The following TRPM7 variants were observed in gnomAD, a reference collection of about 807,000 sequenced individuals.
TRPM7 encodes transient receptor potential cation channel subfamily M member 7.
A neutral mutation model predicts 229.7 loss-of-function variants in TRPM7; 134 were observed. The observed-to-expected ratio is 0.58, with a 90% CI of 0.51 to 0.67. TRPM7 has a LOEUF of 0.67. Among genes scored for constraint, TRPM7 ranks in the 30% least tolerant of loss-of-function variants. TRPM7 has a pLI of 0.00. For missense variants in TRPM7, 1,901 were observed against 2,210.0 expected, an observed-to-expected ratio of 0.86 and a Z score of 2.80; for synonymous variants, 699 against 715.2, an observed-to-expected ratio of 0.98 and a Z score of 0.36.
At chr15:50,583,676 A>C (rs2054541052) in intron 28 of TRPM7, among the ~76,000 whole-genome samples, 1 of 151,086 alleles carries the variant, frequency 6.6e-6, no homozygotes, top group Non-Finnish European at 1.5e-5. Context: ...TCCTGAGTTC[A>C]AGCGATTCTC....
chr15:50,657,318 C>T (rs1296170005), intron 3 of TRPM7, among the ~76,000 whole-genome samples: 5 of 151,946 alleles, frequency 3.3e-5, no homozygotes, highest in African/African-American at 9.7e-5. Flanking sequence ...AGCAAGACTC[C>T]GTCTCAAAAT....
At chr15:50,587,508 T>C (rs1233374273) in intron 27 of TRPM7, among the ~76,000 whole-genome samples, 2 of 149,868 alleles carry the variant, frequency 1.3e-5, no homozygotes, top group Admixed American at 6.8e-5. Flanking sequence ...CACAGAAACT[T>C]GCAATGTCTT....
Position 50,592,711 on chromosome 15 carries a change from AAG to A in TRPM7, c.3609-87_3609-86del. ...TGTAGCCTCAAATAATAATGATAAAAAGAGAAAAATTTCACATGCATTTAAAC... is the reference window on the plus strand; with the variant it reads ...TGTAGCCTCAAATAATAATGATAAAAAGAAAAATTTCACATGCATTTAAAC... On this transcript the variant is annotated intron_variant, in intron 25 of 38. Coordinates refer to ENST00000646667, the MANE Select transcript of TRPM7 (RefSeq NM_017672.6). The A allele has an allele frequency of 3.0e-6, 3 of 988,940 alleles. No homozygotes were observed. The South Asian group carries it at 5.3e-5, about 17-fold the overall frequency. 61.3% of individuals were successfully genotyped at this position (988,940 alleles called of 1,614,324 possible).
rs35848629 is a variant in TRPM7, at chr15:50,621,157, C to CAAAAA, written c.1441-1364_1441-1360dup. Among the ~76,000 whole-genome samples, 45 of 51,770 alleles carry CAAAAA rather than the reference C, an allele frequency of 8.7e-4. 1 individual carries two copies. Among genetic ancestry groups the CAAAAA allele is most frequent in the East Asian group, 6.7e-3 (9 of 1,350 alleles). 34.0% of individuals were successfully genotyped at this position (51,770 alleles called of 152,430 possible). On this transcript the variant is annotated intron_variant, in intron 12 of 38. Transcript: ENST00000646667. ...CCTGGGCAACAGCGAGACTCCGTCT[C>CAAAAA]AAAAAAAAAAAAAAAAAAAAAAAAA...
chr15:50,609,524 T>C (rs1235029343), intron 19 of TRPM7, 57 bp downstream of exon 19: 34 of 1,499,934 alleles, frequency 2.3e-5, no homozygotes, highest in Non-Finnish European at 2.6e-5. Context: ...TCCGAACCAA[T>C]GGTCCCCCAA....
intron 36 of TRPM7, among the ~76,000 whole-genome samples, chr15:50,573,269 G>T (rs1261153900): frequency 6.6e-6 from 1 of 152,084 alleles, no homozygotes; most frequent in African/African-American, 2.4e-5. Flanking sequence ...CTCAATCCTG[G>T]GCCTAGCCTT....
intron 36 of TRPM7, among the ~76,000 whole-genome samples, chr15:50,572,928 G>T (rs1423391085): frequency 1.3e-5 from 2 of 152,046 alleles, no homozygotes; most frequent in South Asian, 2.1e-4. Flanking sequence ...TGCTCTTCAG[G>T]GAGAAAAATT....
In TRPM7 at chr15:50,558,875, A is replaced by G. The variant is rs1596029495; in HGVS notation, c.*2803T>C. ...GCTACTACACTCCAGCCTGGGCAACAGAGCAAGAGGTTGTCTTTTTTTTTT... is the reference window on the plus strand; with the variant it reads ...GCTACTACACTCCAGCCTGGGCAACGGAGCAAGAGGTTGTCTTTTTTTTTT... On this transcript the variant is annotated 3_prime_UTR_variant, in exon 39 of 39. Coordinates refer to ENST00000646667, the MANE Select transcript of TRPM7 (RefSeq NM_017672.6). The G allele has an allele frequency of 6.6e-6, 1 of 151,074 alleles. No homozygotes were observed. The allele number at this position is 151,074 out of a possible 1,614,324, so 9.4% of individuals were successfully genotyped here.
rs767646019 is a variant in TRPM7 at position 50,662,982 on chromosome 15, G to A, written c.68C>T (p.Ser23Phe). 2 of 1,613,212 alleles carry A rather than the reference G, an allele frequency of 1.2e-6. No individual in the cohort carries two copies. The highest frequency in any genetic ancestry group is 1.7e-6 in the Non-Finnish European group (2 of 1,179,552). Residue 23 changes from serine to phenylalanine, a missense_variant, in exon 2 of 39, where the codon TCC (serine) becomes TTC (phenylalanine). Ser to Phe is a radical substitution (Grantham distance 155). Around this residue, in one of 8 missense-constraint regions of TRPM7, gnomAD observed 794 missense variants for 881.9 expected, o/e 0.90. Transcript: ENST00000646667. Reference protein sequence around the residue: ...KRECVYIIPSSKDPHRCLPGC... With the variant: ...KRECVYIIPSFKDPHRCLPGC... ...GTGTGCTTACCTGTGAGGGTCCTTG[G>A]AACTTGGTATAATATATACACATTC...
chr15:50,612,270 A>G (rs1348270202), intron 16 of TRPM7, among the ~76,000 whole-genome samples: 2 of 152,136 alleles, frequency 1.3e-5, no homozygotes, highest in East Asian at 3.8e-4. Context: ...TTTAAATTTC[A>G]TGTAGAGACG....
At chr15:50,570,765 G>A (rs1252265448) in intron 36 of TRPM7, among the ~76,000 whole-genome samples, 1 of 150,666 alleles carries the variant, frequency 6.6e-6, no homozygotes, top group Non-Finnish European at 1.5e-5. Flanking sequence ...TGAGACGGGA[G>A]AATCGCTTGA....
chr15:50,649,413 G>A (rs1192167797), intron 3 of TRPM7, among the ~76,000 whole-genome samples: 2 of 140,432 alleles, frequency 1.4e-5, no homozygotes, highest in South Asian at 2.2e-4. Flanking sequence ...CATCCTGGAC[G>A]ACAGAACAAG....
chr15:50,573,264 T>A (rs1027445122), intron 36 of TRPM7, among the ~76,000 whole-genome samples: 2 of 152,214 alleles, frequency 1.3e-5, no homozygotes, highest in African/African-American at 4.8e-5. Context: ...GGCATCTCAA[T>A]CCTGGGCCTA....
At chr15:50,604,796 T>G in intron 21 of TRPM7, 70 bp downstream of exon 21, 2 of 1,406,026 alleles carry the variant, frequency 1.4e-6, no homozygotes, top group South Asian at 3.0e-5. Context: ...AAAACTATGT[T>G]AATAACATTT....
At chr15:50,626,390 T>C (rs1429822087) in intron 11 of TRPM7, among the ~76,000 whole-genome samples, 1 of 152,080 alleles carries the variant, frequency 6.6e-6, no homozygotes, top group Non-Finnish European at 1.5e-5. Flanking sequence ...AAAATCTTAA[T>C]TTTCATATCT....
rs1432377034 is a variant in TRPM7 at position 50,643,430 on chromosome 15, G to A, written c.445C>T (p.His149Tyr). ...VHGGMQKFEL[H>Y]PRIKQLLGKG... ...CCAAGCAACTGCTTGATTCGTGGGTGAAGCTCAAATTTCTGCATGCCCCCA... is the reference window on the plus strand; with the variant it reads ...CCAAGCAACTGCTTGATTCGTGGGTAAAGCTCAAATTTCTGCATGCCCCCA... Residue 149 changes from histidine to tyrosine, a missense_variant, in exon 5 of 39, where the codon CAC becomes TAC. His to Tyr is a moderately conservative substitution (Grantham distance 83). Transcript: ENST00000646667. The A allele has an allele frequency of 1.2e-6, 2 of 1,614,056 alleles. No homozygotes were observed. Among genetic ancestry groups the A allele is most frequent in the African/African-American group, 1.3e-5 (1 of 74,926 alleles).
At chr15:50,672,546 C>G (rs1179906900) in intron 1 of TRPM7, among the ~76,000 whole-genome samples, 1 of 151,858 alleles carries the variant, frequency 6.6e-6, no homozygotes, top group African/African-American at 2.4e-5. Flanking sequence ...TAGGCCTAGG[C>G]TAACGTGTAT....
At chr15:50,641,714 T>TG (rs1044146238) in intron 5 of TRPM7, among the ~76,000 whole-genome samples, 6 of 152,184 alleles carry the variant, frequency 3.9e-5, no homozygotes, top group African/African-American at 1.4e-4. Context: ...AAAAAATAGC[T>TG]GCTGGCCAGG....
chr15:50,653,659 T>G (rs1459881127), intron 3 of TRPM7, among the ~76,000 whole-genome samples: 2 of 152,096 alleles, frequency 1.3e-5, no homozygotes, highest in Non-Finnish European at 2.9e-5. Context: ...CAGTAGACAC[T>G]GGGCCAAGCA....
Sources: gnomAD v4.1 joint callset for allele counts (sites outside exome capture counted in the v4.1 genomes callset) on GRCh38, gnomAD v4.1.1 for gene constraint, gnomAD v4.1.1 regional missense constraint, MANE v1.5 for transcripts, NCBI Gene and HGNC (gene_info 2026-07-23, HGNC 2026-07-21) for gene names.